The following MDGA2 variants were observed in gnomAD, a reference collection of about 807,000 sequenced individuals.
MDGA2 encodes the protein MAM domain-containing glycosylphosphatidylinositol anchor protein 2.
Under a neutral mutation model 117.8 loss-of-function variants are expected in MDGA2, and 40 were observed. That is an observed-to-expected ratio of 0.34 (90% CI 0.26 to 0.44). The LOEUF is 0.44. Among genes scored for constraint, MDGA2 ranks in the 20% least tolerant of loss-of-function variants. The pLI is 1.00. For synonymous variants in MDGA2, 452 were observed against 439.0 expected, an observed-to-expected ratio of 1.03 and a Z score of -0.37; for missense variants, 1,123 against 1,250.6, an observed-to-expected ratio of 0.90 and a Z score of 1.54.
At position 47,430,183 on chromosome 14, in the gene MDGA2, T is replaced by A. The variant is rs8007707; in HGVS notation, c.281-128633A>T. On this transcript the variant is annotated intron_variant, in intron 1 of 16. Coordinates refer to ENST00000399232, the MANE Select transcript of MDGA2 (RefSeq NM_001113498.3). ...TCTTAAGCAAGGCAGTGTTGTGATC[T>A]GAGACATATTTGTGAAAGACCCTTT... Among the ~76,000 whole-genome samples the A allele has an allele frequency of 6.6e-5, 10 of 151,498 alleles. No individual in the cohort carries two copies. In the South Asian group the frequency reaches 1.3e-3, roughly 19 times the overall value.
At chr14:47,286,000 C>T (rs576547985) in intron 2 of MDGA2, among the ~76,000 whole-genome samples, 10 of 151,772 alleles carry the variant, frequency 6.6e-5, no homozygotes, top group African/African-American at 1.9e-4. Context: ...ACGTGTGAAG[C>T]TTTTATGTTT....
At chr14:47,640,302 G>A (rs556262829) in intron 1 of MDGA2, among the ~76,000 whole-genome samples, 1 of 152,136 alleles carries the variant, frequency 6.6e-6, no homozygotes. Context: ...TCTTCTAAAT[G>A]TCTCTTCAGT....
intron 1 of MDGA2, among the ~76,000 whole-genome samples, chr14:47,303,497 G>A (rs1003551698): frequency 2.6e-5 from 4 of 151,960 alleles, no homozygotes; most frequent in African/African-American, 9.7e-5. Context: ...GCTCTGATAT[G>A]TTTCACACCA....
At chr14:47,170,267 G>A (rs769113012) in intron 3 of MDGA2, among the ~76,000 whole-genome samples, 2 of 152,134 alleles carry the variant, frequency 1.3e-5, no homozygotes, top group African/African-American at 2.4e-5. Context: ...AAGAAGGAAA[G>A]TAAGAAACAG....
chr14:46,978,922 T>C (rs1886566997), intron 8 of MDGA2, among the ~76,000 whole-genome samples: 1 of 152,186 alleles, frequency 6.6e-6, no homozygotes, highest in Admixed American at 6.5e-5. Context: ...CAGGTTGCTA[T>C]TCAACATTGT....
chr14:47,478,273 T>C (rs1040453137), intron 1 of MDGA2, among the ~76,000 whole-genome samples: 22 of 152,198 alleles, frequency 1.4e-4, no homozygotes, highest in African/African-American at 5.3e-4. Context: ...TGCAGACATA[T>C]TGCATGTATT....
intron 1 of MDGA2, among the ~76,000 whole-genome samples, chr14:47,403,954 T>C (rs928848897): frequency 1.3e-5 from 2 of 152,068 alleles, no homozygotes; most frequent in Admixed American, 6.6e-5. Context: ...TGATAGAACA[T>C]ACCCTTGTCT....
Position 47,306,500 on chromosome 14 carries a change from T to C in MDGA2, c.281-4950A>G, listed in dbSNP as rs867373714. On this transcript the variant is annotated intron_variant, in intron 1 of 16. Transcript: ENST00000399232. The stretch of plus-strand genomic sequence containing the variant: ...TGCTAATCAGGCATTTATGGTTTTA[T>C]TTATGGTTTTGGTACAAGGAGCTTC... 2.2e-4 allele frequency among the ~76,000 whole-genome samples: 18 copies of C among 81,508 alleles called. 1 individual carries two copies. The East Asian group carries it at 6.4e-3, about 29-fold the overall frequency. 53.5% of individuals were successfully genotyped at this position (81,508 alleles called of 152,430 possible). A position where few individuals can be genotyped will look rare whatever the true frequency, so the allele number is the denominator to read the frequency against.
chr14:46,996,170 G>C (rs2138456695), intron 8 of MDGA2, among the ~76,000 whole-genome samples: 1 of 152,178 alleles, frequency 6.6e-6, no homozygotes, highest in Non-Finnish European at 1.5e-5. Flanking sequence ...TCTAAGTTTT[G>C]CCATTGCTTT....
At chr14:47,611,172 T>C (rs983272800) in intron 1 of MDGA2, among the ~76,000 whole-genome samples, 2 of 152,138 alleles carry the variant, frequency 1.3e-5, no homozygotes, top group Admixed American at 6.6e-5. Context: ...AGAATGAAAC[T>C]GGATCCTCAT....
At chr14:47,224,283 TGATATAGATATAGATATA>T (rs3039434) in intron 2 of MDGA2, among the ~76,000 whole-genome samples, 1 of 134,140 alleles carries the variant, frequency 7.5e-6, no homozygotes, top group African/African-American at 2.7e-5. Context: ...CAATAGAGTC[TGATATAGATATAGATATA>T]GATATAGATA....
chr14:47,440,108 C>T (rs1161444255), intron 1 of MDGA2, among the ~76,000 whole-genome samples: 4 of 151,966 alleles, frequency 2.6e-5, no homozygotes, highest in Non-Finnish European at 5.9e-5. Flanking sequence ...CCATCCATAC[C>T]TCTAGGATTG....
chr14:47,462,312 C>T (rs1028300344), intron 1 of MDGA2, among the ~76,000 whole-genome samples: 1 of 145,014 alleles, frequency 6.9e-6, no homozygotes, highest in Admixed American at 7.2e-5. Context: ...GGAAGCGGAG[C>T]TTGCAGTGAG....
At chr14:47,217,940 G>T (rs938305879) in intron 3 of MDGA2, 81 bp downstream of exon 3, 3 of 1,186,574 alleles carry the variant, frequency 2.5e-6, no homozygotes, top group African/African-American at 3.1e-5. Context: ...GAACGCTATG[G>T]TTTTTCAGAA....
At chr14:47,038,937 G>A (rs762517361) in intron 7 of MDGA2, among the ~76,000 whole-genome samples, 5 of 148,870 alleles carry the variant, frequency 3.4e-5, no homozygotes, top group Non-Finnish European at 7.4e-5. Context: ...GCAACGGAGT[G>A]AGACTCCATC....
chr14:47,089,364 T>C (rs1253584385), intron 6 of MDGA2, among the ~76,000 whole-genome samples: 1 of 151,986 alleles, frequency 6.6e-6, no homozygotes, highest in Non-Finnish European at 1.5e-5. Flanking sequence ...CTCTCTTCTG[T>C]TTTAGGTTTC....
chr14:47,103,523 T>C (rs1434302198), intron 5 of MDGA2, among the ~76,000 whole-genome samples: 1 of 152,232 alleles, frequency 6.6e-6, no homozygotes, highest in Admixed American at 6.5e-5. Flanking sequence ...CTATTTAAAA[T>C]GATGCTCTAG....
At chr14:47,457,269 C>A (rs1893374974) in intron 1 of MDGA2, among the ~76,000 whole-genome samples, 2 of 152,122 alleles carry the variant, frequency 1.3e-5, no homozygotes, top group South Asian at 4.1e-4. Context: ...AAAATAATTT[C>A]AATTCCTATT....
At chr14:46,994,974 C>A (rs1025352187) in intron 8 of MDGA2, among the ~76,000 whole-genome samples, 1 of 151,976 alleles carries the variant, frequency 6.6e-6, no homozygotes, top group African/African-American at 2.4e-5. Context: ...GTGGATACAC[C>A]CATATTGGTC....
Sources: allele counts gnomAD v4.1 joint callset (sites outside exome capture counted in the v4.1 genomes callset), GRCh38; gene constraint gnomAD v4.1.1; transcripts MANE v1.5; gene names NCBI Gene and HGNC (gene_info 2026-07-23, HGNC 2026-07-21).